Variants in SEMA3E observed in about 807,000 individuals in gnomAD.
SEMA3E encodes the protein semaphorin-3E.
Under a neutral mutation model 93.6 loss-of-function variants are expected in SEMA3E, and 49 were observed. The observed-to-expected ratio is 0.52, with a 90% CI of 0.42 to 0.66. SEMA3E has a LOEUF of 0.66. Among genes scored for constraint, SEMA3E ranks in the 30% least tolerant of loss-of-function variants. The pLI is 0.00. For synonymous variants in SEMA3E, 363 were observed against 330.7 expected (o/e 1.10, Z -1.06); for missense variants, 906 against 964.8 (o/e 0.94, Z 0.81).
At chr7:83,380,448 G>C (rs1787754198) in intron 16 of SEMA3E, among the ~76,000 whole-genome samples, 1 of 151,826 alleles carries the variant, frequency 6.6e-6, no homozygotes, top group Non-Finnish European at 1.5e-5. Context: ...TCCTTGATCT[G>C]TCTACTCATT....
chr7:83,475,134 A>G (rs183608560), intron 2 of SEMA3E, among the ~76,000 whole-genome samples: 1 of 152,152 alleles, frequency 6.6e-6, no homozygotes, highest in African/African-American at 2.4e-5. Context: ...CGGTTATTAC[A>G]TAACTTACGA....
At chr7:83,502,801 G>A (rs895728479) in intron 1 of SEMA3E, among the ~76,000 whole-genome samples, 3 of 151,930 alleles carry the variant, frequency 2.0e-5, no homozygotes, top group African/African-American at 7.3e-5. Flanking sequence ...TTCCATCTTG[G>A]TCACTATGAT....
chr7:83,469,248 C>T lies in SEMA3E; in HGVS notation c.331G>A (p.Asp111Asn). The T allele has an allele frequency of 6.2e-7, 1 of 1,608,944 alleles. No individual in the cohort carries two copies. The highest frequency in any genetic ancestry group is 8.5e-7 in the Non-Finnish European group (1 of 1,175,870). Residue 111 changes from aspartate to asparagine, a missense_variant, in exon 3 of 17, where the codon GAT (aspartate) becomes AAT (asparagine). By Grantham distance (23) the Asp-to-Asn change is conservative. Coordinates refer to ENST00000643230, the MANE Select transcript of SEMA3E (RefSeq NM_012431.3). ...TTACAATGAATCATACTTACCGCAT[C>T]TTTTCCCTTCATTATGCATTCTTCC... is the stretch of plus-strand genomic sequence containing the variant. ...KMEECIMKGKDAGECANYVRV... is the reference protein window; with the variant it reads ...KMEECIMKGKNAGECANYVRV...
chr7:83,545,720 AGTAGTATACT>A (rs896870346), intron 1 of SEMA3E, among the ~76,000 whole-genome samples: 7 of 150,056 alleles, frequency 4.7e-5, no homozygotes, highest in African/African-American at 1.5e-4. Context: ...ACCATTTTCC[AGTAGTATACT>A]GTATGGATGT....
At position 83,405,391 on chromosome 7, in the gene SEMA3E, G is replaced by A. The variant is rs940938046; in HGVS notation, c.998+59C>T. ...TCAACTTATATACACCATGAAGGGA[G>A]AGTCCGGTGAGGCATCTCTTGTTCT... On this transcript the variant is annotated intron_variant, in intron 9 of 16. Coordinates refer to ENST00000643230, the MANE Select transcript of SEMA3E (RefSeq NM_012431.3). 109 of 1,205,342 alleles carry A rather than the reference G, an allele frequency of 9.0e-5. No homozygotes were observed. In the African/African-American group the frequency reaches 1.5e-3, roughly 17 times the overall value. The allele number at this position is 1,205,342 out of a possible 1,614,324, so 74.7% of individuals were successfully genotyped here. A position where few individuals can be genotyped will look rare whatever the true frequency, so the allele number is the denominator to read the frequency against.
intron 1 of SEMA3E, among the ~76,000 whole-genome samples, chr7:83,537,645 T>C (rs1262514245): frequency 2.0e-5 from 3 of 152,218 alleles, no homozygotes; most frequent in Non-Finnish European, 4.4e-5. Flanking sequence ...CTCTAAACAA[T>C]ATGGTTTCTT....
intron 1 of SEMA3E, among the ~76,000 whole-genome samples, chr7:83,621,641 A>G (rs1793557932): frequency 6.6e-6 from 1 of 152,226 alleles, no homozygotes; most frequent in Non-Finnish European, 1.5e-5. Flanking sequence ...GTACAAAAAC[A>G]GACACATTGA....
At chr7:83,530,298 C>G (rs942491115) in intron 1 of SEMA3E, among the ~76,000 whole-genome samples, 3 of 152,214 alleles carry the variant, frequency 2.0e-5, no homozygotes, top group African/African-American at 7.2e-5. Flanking sequence ...TTTAAAACGT[C>G]TTAAATAACC....
At chr7:83,604,021 G>C (rs572485486) in intron 1 of SEMA3E, among the ~76,000 whole-genome samples, 13 of 152,214 alleles carry the variant, frequency 8.5e-5, no homozygotes, top group Non-Finnish European at 2.9e-5. Flanking sequence ...TTCATGTAGA[G>C]AGAATGAAGA....
intron 5 of SEMA3E, among the ~76,000 whole-genome samples, chr7:83,417,601 A>G (rs1230917721): frequency 1.3e-5 from 2 of 152,122 alleles, no homozygotes; most frequent in African/African-American, 4.8e-5. Context: ...CTGAGGGAAG[A>G]AAATCACTTC....
At chr7:83,467,185 C>T (rs1440904620) in intron 3 of SEMA3E, among the ~76,000 whole-genome samples, 1 of 151,516 alleles carries the variant, frequency 6.6e-6, no homozygotes, top group Non-Finnish European at 1.5e-5. Context: ...CCACCTCAGC[C>T]TCTGGAGTAG....
chr7:83,423,332 T>G (rs772355001), intron 4 of SEMA3E, among the ~76,000 whole-genome samples: 2 of 152,090 alleles, frequency 1.3e-5, no homozygotes, highest in African/African-American at 2.4e-5. Context: ...AGGTCAAAAC[T>G]CAGATGTACC....
At chr7:83,465,838 G>T (rs1789744318) in intron 4 of SEMA3E, among the ~76,000 whole-genome samples, 1 of 152,156 alleles carries the variant, frequency 6.6e-6, no homozygotes, top group Non-Finnish European at 1.5e-5. Context: ...CAGCTTACAG[G>T]AATAGGTTAT....
intron 1 of SEMA3E, among the ~76,000 whole-genome samples, chr7:83,596,807 T>C (rs962629557): frequency 6.6e-6 from 1 of 152,108 alleles, no homozygotes; most frequent in Non-Finnish European, 1.5e-5. Context: ...TATTTATCTG[T>C]GTAAATCTTT....
chr7:83,487,937 A>C (rs748225618), intron 2 of SEMA3E, among the ~76,000 whole-genome samples: 4 of 152,132 alleles, frequency 2.6e-5, no homozygotes, highest in Admixed American at 6.6e-5. Context: ...TGGAGTGTAG[A>C]TGCCAAAGAA....
chr7:83,483,728 CAA>C (rs111808206), intron 2 of SEMA3E, among the ~76,000 whole-genome samples: 4,564 of 151,952 alleles, frequency 0.03, 100 homozygotes, highest in African/African-American at 0.063. Context: ...GGAGTACTGA[CAA>C]TATAACAAGG....
intron 1 of SEMA3E, among the ~76,000 whole-genome samples, chr7:83,625,209 C>T (rs906347393): frequency 6.6e-6 from 1 of 152,104 alleles, no homozygotes; most frequent in Non-Finnish European, 1.5e-5. Context: ...GCTATATGGG[C>T]TCTTTTTGGT....
intron 10 of SEMA3E, among the ~76,000 whole-genome samples, chr7:83,400,859 GAGA>G (rs1788222610): frequency 6.6e-6 from 1 of 152,082 alleles, no homozygotes; most frequent in African/African-American, 2.4e-5. Context: ...TTCACACAAA[GAGA>G]AGAAATCTCT....
At chr7:83,526,887 G>C (rs1305883653) in intron 1 of SEMA3E, among the ~76,000 whole-genome samples, 1 of 152,162 alleles carries the variant, frequency 6.6e-6, no homozygotes, top group African/African-American at 2.4e-5. Context: ...ACGTGGATCA[G>C]CTCTGACTAC....
Sources: gnomAD v4.1 joint callset for allele counts (sites outside exome capture counted in the v4.1 genomes callset) on GRCh38, gnomAD v4.1.1 for gene constraint, MANE v1.5 for transcripts, NCBI Gene and HGNC (gene_info 2026-07-23, HGNC 2026-07-21) for gene names.